The following SDK2 variants were observed in gnomAD, a reference collection of about 807,000 sequenced individuals.
The protein encoded by SDK2 is protein sidekick-2.
In SDK2, 105 loss-of-function variants were observed where a neutral mutation model predicts 253.9. That is an observed-to-expected ratio of 0.41 (90% CI 0.35 to 0.49). SDK2 has a LOEUF of 0.49. SDK2 is among the 20% of genes least tolerant of loss of function. The pLI is 0.06. For missense variants in SDK2, 2,608 were observed against 3,003.0 expected, an observed-to-expected ratio of 0.87 and a Z score of 3.07; for synonymous variants, 1,249 against 1,234.9, an observed-to-expected ratio of 1.01 and a Z score of -0.24.
rs191427037 is a variant in SDK2, at chr17:73,563,918, C to T, written c.65-56321G>A. Among the ~76,000 whole-genome samples the T allele has an allele frequency of 2.0e-5, 3 of 152,148 alleles. No individual in the cohort carries two copies. In the East Asian group the frequency reaches 5.8e-4, roughly 29 times the overall value. On this transcript the variant is annotated intron_variant, in intron 1 of 44. Coordinates refer to ENST00000392650, the MANE Select transcript of SDK2 (RefSeq NM_001144952.2). ...CTCCCGAGTAGCATGTGCCACCACG[C>T]TCAGCTAATTTTTTATATTTTTTGT...
At chr17:73,628,377 A>G (rs908357983) in intron 1 of SDK2, among the ~76,000 whole-genome samples, 27 of 152,300 alleles carry the variant, frequency 1.8e-4, no homozygotes, top group Admixed American at 1.1e-3. Flanking sequence ...TGGTCCATAT[A>G]ATGGGAAAAT....
chr17:73,390,460 A>G lies in SDK2; in HGVS notation c.4019T>C (p.Leu1340Pro). The change falls in exon 29 of 45, where the codon CTC (leucine) becomes CCC (proline). Residue 1340 changes from leucine to proline, a missense_variant. This residue lies in a region of SDK2 where 1,103 missense variants were observed against 1,143.9 expected (regional missense o/e 0.96). Transcript: ENST00000392650. The part of the protein sequence containing the change: ...IILAYQITHR[L>P]NTTTANTATV... ...GGCGGTGTTGGCCGTGGTGGTGTTG[A>G]GCCGGTGTGTGATCTGGTAAGCTGT... The G allele has an allele frequency of 6.2e-7, 1 of 1,612,234 alleles. No individual in the cohort carries two copies. The highest frequency in any genetic ancestry group is 8.5e-7 in the Non-Finnish European group (1 of 1,179,092).
intron 1 of SDK2, among the ~76,000 whole-genome samples, chr17:73,546,955 G>A (rs1377039683): frequency 2.6e-5 from 4 of 152,174 alleles, no homozygotes; most frequent in Admixed American, 2.0e-4. Context: ...TCTTAGCCAC[G>A]TCCTTGTGCT....
At chr17:73,420,969 C>CT (rs1434754581) in intron 15 of SDK2, among the ~76,000 whole-genome samples, 10 of 152,222 alleles carry the variant, frequency 6.6e-5, no homozygotes, top group Non-Finnish European at 1.0e-4. Context: ...AGGATTTGGC[C>CT]TTTTTCTTGG....
chr17:73,534,170 G>T lies in SDK2; in HGVS notation c.65-26573C>A, dbSNP rs1283106278. ...CTGCACTTTTATTCAGCAACCACGG[G>T]ACAATGCAGTGCAATGGCTGGTAGG... On this transcript the variant is annotated intron_variant, in intron 1 of 44. Transcript: ENST00000392650. This position sits in a 1 kb window ranked among gnomAD's most constrained non-coding sequence, Gnocchi z 4.9. Among the ~76,000 whole-genome samples, 1 of 152,146 alleles carries T rather than the reference G, an allele frequency of 6.6e-6. No individual in the cohort carries two copies. Among genetic ancestry groups the T allele is most frequent in the Non-Finnish European group, 1.5e-5 (1 of 68,022 alleles).
chr17:73,425,747 T>C (rs1190507015), intron 12 of SDK2, among the ~76,000 whole-genome samples: 1 of 152,122 alleles, frequency 6.6e-6, no homozygotes, highest in African/African-American at 2.4e-5. Context: ...CCTCAAGTGA[T>C]CCACCTGCCT....
At chr17:73,472,367 G>C (rs1371483471) in intron 2 of SDK2, 149 bp from the exon 3 acceptor site, 2 of 616,484 alleles carry the variant, frequency 3.2e-6, no homozygotes, top group African/African-American at 3.7e-5. Context: ...CATGTCATAG[G>C]ATCACACAAA....
chr17:73,451,561 T>C (rs1435009057), intron 4 of SDK2, among the ~76,000 whole-genome samples: 2 of 152,154 alleles, frequency 1.3e-5, no homozygotes, highest in East Asian at 3.8e-4. Context: ...TCAACTTCTA[T>C]GGTGTGAAGT....
In SDK2 at chr17:73,402,003, T is replaced by G; in HGVS notation, c.2623A>C (p.Thr875Pro). The G allele has an allele frequency of 6.2e-7, 1 of 1,613,418 alleles. No homozygotes were observed. The highest frequency in any genetic ancestry group is 8.5e-7 in the Non-Finnish European group (1 of 1,179,780). Residue 875 changes from threonine (T) to proline (P), a missense_variant, in exon 19 of 45, where the codon ACC (threonine) becomes CCC (proline). Physicochemically the swap from Thr to Pro is conservative, Grantham distance 38. This residue lies in a region of SDK2 where 1,505 missense variants were observed against 1,859.1 expected (regional missense o/e 0.81). Coordinates refer to ENST00000392650, the MANE Select transcript of SDK2 (RefSeq NM_001144952.2). ...CTGCGTGGCCCGTCCCCGGGGGTGG[T>G]GAAACACAGCACTGAGGTGAAGTAC... ...TEYFTSVLCF[T>P]TPGDGPRSTP...
At chr17:73,483,307 CT>C (rs3070666) in intron 2 of SDK2, among the ~76,000 whole-genome samples, 4,451 of 116,972 alleles carry the variant, frequency 0.038, 45 homozygotes, top group Non-Finnish European at 0.054. Context: ...CAAGACAGAA[CT>C]TTTTTTTTTT....
In SDK2 at chr17:73,368,454, C is replaced by A; in HGVS notation, c.5120G>T (p.Gly1707Val). 1 of 1,604,592 alleles carries A rather than the reference C, an allele frequency of 6.2e-7. No individual in the cohort carries two copies. The highest frequency in any genetic ancestry group is 8.5e-7 in the Non-Finnish European group (1 of 1,175,918). The change falls in exon 37 of 45, where the codon GGG becomes GTG. Residue 1707 changes from glycine (G) to valine (V), a missense_variant. Around this residue, in one of 2 missense-constraint regions of SDK2, gnomAD observed 1,103 missense variants for 1,143.9 expected, o/e 0.96. Coordinates refer to ENST00000392650, the MANE Select transcript of SDK2 (RefSeq NM_001144952.2). Reference sequence around the variant, plus strand: ...GGTGGGGGTGCTCCGAGGCCCATCCCCAGCGGCGTTGAAGGCGGCCACGCT... The same window carrying A: ...GGTGGGGGTGCTCCGAGGCCCATCCACAGCGGCGTTGAAGGCGGCCACGCT... ...MVSVAAFNAAGDGPRSTPTQG... is the reference protein window; with the variant it reads ...MVSVAAFNAAVDGPRSTPTQG...
At chr17:73,605,003 G>A (rs2045889036) in intron 1 of SDK2, among the ~76,000 whole-genome samples, 1 of 152,220 alleles carries the variant, frequency 6.6e-6, no homozygotes, top group Non-Finnish European at 1.5e-5. Context: ...AGGCTGCAGT[G>A]TTCCTGAAAG....
rs1567799614 is a variant in SDK2, at chr17:73,483,709, T to TATA, written c.225-11492_225-11491insTAT. ...TATATATATATATATATATATATAT[T>TATA]TTTTTTTTTTTTTAGTAGAGTTGGG... On this transcript the variant is annotated intron_variant, in intron 2 of 44. Coordinates refer to ENST00000392650, the MANE Select transcript of SDK2 (RefSeq NM_001144952.2). Among the ~76,000 whole-genome samples the TATA allele has an allele frequency of 8.2e-4, 66 of 80,174 alleles. 3 individuals carry two copies. Among genetic ancestry groups the TATA allele is most frequent in the Admixed American group, 6.8e-3 (49 of 7,226 alleles). 52.6% of individuals were successfully genotyped at this position (80,174 alleles called of 152,430 possible).
chr17:73,399,070 T>C (rs2062997708), intron 22 of SDK2, 98 bp downstream of exon 22: 2 of 1,283,446 alleles, frequency 1.6e-6, no homozygotes, highest in African/African-American at 1.5e-5. Context: ...GAGCTGCACA[T>C]GAAAATTCAC....
intron 16 of SDK2, among the ~76,000 whole-genome samples, chr17:73,418,021 T>G (rs978412936): frequency 9.4e-5 from 14 of 148,530 alleles, no homozygotes; most frequent in African/African-American, 3.5e-4. Context: ...TTTTTTTTTT[T>G]TTTTTTTGTT....
chr17:73,551,950 G>T (rs1484585940), intron 1 of SDK2, among the ~76,000 whole-genome samples: 1 of 152,192 alleles, frequency 6.6e-6, no homozygotes, highest in Admixed American at 6.5e-5. Flanking sequence ...GATTCAGGGG[G>T]CTGTGATTGG....
intron 2 of SDK2, among the ~76,000 whole-genome samples, chr17:73,480,923 G>T (rs1401247633): frequency 6.6e-6 from 1 of 152,188 alleles, no homozygotes; most frequent in African/African-American, 2.4e-5. Flanking sequence ...TCTATTTTAA[G>T]CAGTTTCTGT....
At chr17:73,457,272 TTCCTTCCTTCCTTCCC>T (rs2063533806) in intron 3 of SDK2, among the ~76,000 whole-genome samples, 1 of 45,664 alleles carries the variant, frequency 2.2e-5, no homozygotes, top group African/African-American at 1.3e-4. Flanking sequence ...CCTTCCTTCC[TTCCTTCCTTCCTTCCC>T]CCCTCCCTCC....
intron 1 of SDK2, among the ~76,000 whole-genome samples, chr17:73,632,525 T>C (rs973484275): frequency 6.6e-6 from 1 of 152,208 alleles, no homozygotes; most frequent in African/African-American, 2.4e-5. Flanking sequence ...TCGGCTTCCC[T>C]ACTTTTGAGG....
Sources: gnomAD v4.1 joint callset for allele counts (sites outside exome capture counted in the v4.1 genomes callset) on GRCh38, gnomAD v4.1.1 for gene constraint, gnomAD v4.1.1 regional missense constraint, Gnocchi (gnomAD v3.1) non-coding constraint, MANE v1.5 for transcripts, NCBI Gene and HGNC (gene_info 2026-07-23, HGNC 2026-07-21) for gene names.